The following ASTN2 variants were observed in gnomAD, a reference collection of about 807,000 sequenced individuals.
ASTN2 encodes astrotactin 2, also known as astrotactin-2.
In ASTN2, 54 loss-of-function variants were observed where a neutral mutation model predicts 139.8. That is an observed-to-expected ratio of 0.39 (90% CI 0.31 to 0.48). ASTN2 has a LOEUF of 0.48. Ranked by LOEUF, ASTN2 falls within the 20% of genes least tolerant of loss-of-function variation. The probability of loss-of-function intolerance (pLI) is 0.95; values close to 1 mark genes in which losing one functional copy is unlikely to be tolerated. For missense variants in ASTN2, 1,565 were observed against 1,725.1 expected, an observed-to-expected ratio of 0.91 and a Z score of 1.64; for synonymous variants, 756 against 719.5, an observed-to-expected ratio of 1.05 and a Z score of -0.81.
chr9:116,815,021 G>A (rs1048314529), intron 12 of ASTN2, among the ~76,000 whole-genome samples: 1 of 152,172 alleles, frequency 6.6e-6, no homozygotes, highest in Admixed American at 6.5e-5. Flanking sequence ...TAAAATTCAC[G>A]TTCTCCAACC....
At chr9:117,065,008 T>C (rs936038764) in intron 5 of ASTN2, among the ~76,000 whole-genome samples, 5 of 152,072 alleles carry the variant, frequency 3.3e-5, no homozygotes, top group Admixed American at 1.3e-4. Context: ...GATCTCTAGA[T>C]GAGATCATAC....
At chr9:116,585,882 G>T (rs902652668) in intron 19 of ASTN2, 1 of 152,086 alleles carries the variant, frequency 6.6e-6, no homozygotes, top group Admixed American at 6.6e-5. Flanking sequence ...CCTACAGAAT[G>T]AAAGAAAATA....
At chr9:116,589,778 C>A (rs1338477885) in intron 19 of ASTN2, among the ~76,000 whole-genome samples, 1 of 152,186 alleles carries the variant, frequency 6.6e-6, no homozygotes, top group Non-Finnish European at 1.5e-5. Flanking sequence ...AGTGGCTGTA[C>A]ATACTGTGGC....
intron 16 of ASTN2, among the ~76,000 whole-genome samples, chr9:116,704,184 A>C (rs960555289): frequency 8.5e-5 from 13 of 152,112 alleles, no homozygotes; most frequent in Admixed American, 3.3e-4. Context: ...CCTATCTGTT[A>C]ATTTAAATAA....
chr9:116,451,508 T>C (rs1469479953), intron 20 of ASTN2, among the ~76,000 whole-genome samples: 2 of 151,964 alleles, frequency 1.3e-5, no homozygotes, highest in East Asian at 3.9e-4. Flanking sequence ...AGCAGAGAGA[T>C]GGTCAAATGA....
chr9:117,147,398 T>G (rs1007666805), intron 3 of ASTN2, among the ~76,000 whole-genome samples: 1 of 151,418 alleles, frequency 6.6e-6, no homozygotes. Context: ...ATCACGCCAT[T>G]GCACTCCAGT....
chr9:116,994,321 C>T lies in ASTN2; in HGVS notation c.1591+13771G>A, dbSNP rs1259840490. Among the ~76,000 whole-genome samples the T allele has an allele frequency of 2.0e-5, 3 of 152,134 alleles. No individual in the cohort carries two copies. In the East Asian group the frequency reaches 5.8e-4, roughly 29 times the overall value. Reference sequence around the variant, plus strand: ...AAAAAAACAGCAGTTGGCCTATAGGCTATAGTTTGCTGACTCCTGCACTGG... The same window carrying T: ...AAAAAAACAGCAGTTGGCCTATAGGTTATAGTTTGCTGACTCCTGCACTGG... On this transcript the variant is annotated intron_variant, in intron 7 of 22. Transcript: ENST00000313400.
At chr9:116,530,090 G>A (rs1361763444) in intron 19 of ASTN2, among the ~76,000 whole-genome samples, 1 of 101,072 alleles carries the variant, frequency 9.9e-6, no homozygotes, top group African/African-American at 3.7e-5. Flanking sequence ...AATGGATAAA[G>A]TGTGATATAT....
intron 19 of ASTN2, among the ~76,000 whole-genome samples, chr9:116,512,007 G>T (rs1419515477): frequency 1.3e-5 from 2 of 152,042 alleles, no homozygotes; most frequent in African/African-American, 4.8e-5. Context: ...AACTCCTTCA[G>T]TCCTGCTCTG....
chr9:116,788,322 T>C (rs1286502115), intron 13 of ASTN2, among the ~76,000 whole-genome samples: 3 of 152,194 alleles, frequency 2.0e-5, no homozygotes, highest in African/African-American at 7.2e-5. Flanking sequence ...CTTTGAAAAG[T>C]TTTTTAATAT....
At chr9:116,461,523 A>T (rs1848487170) in intron 20 of ASTN2, among the ~76,000 whole-genome samples, 1 of 152,118 alleles carries the variant, frequency 6.6e-6, no homozygotes, top group South Asian at 2.1e-4. Context: ...TCTCTCCTAC[A>T]TAAAAGCTAT....
chr9:116,480,033 G>T (rs190754049), intron 20 of ASTN2, among the ~76,000 whole-genome samples: 1 of 151,922 alleles, frequency 6.6e-6, no homozygotes, highest in Non-Finnish European at 1.5e-5. Flanking sequence ...GTTGTTGTGA[G>T]GATTAGATTA....
chr9:116,824,251 G>A (rs1189365935), intron 11 of ASTN2, among the ~76,000 whole-genome samples: 1 of 152,132 alleles, frequency 6.6e-6, no homozygotes, highest in Non-Finnish European at 1.5e-5. Context: ...CTGCCTTCTG[G>A]TATTAAGACT....
chr9:116,707,501 ACCTTC>A lies in ASTN2; in HGVS notation c.2806+18265_2806+18269del, dbSNP rs1418045104. On this transcript the variant is annotated intron_variant, in intron 16 of 22. Coordinates refer to ENST00000313400, the MANE Select transcript of ASTN2 (RefSeq NM_001365068.1). ...TACACATATGAGCAGGATCGAGAGG[ACCTTC>A]CCTCCTCCCCAACCCCTCCCCACAC... Among the ~76,000 whole-genome samples the A allele has an allele frequency of 4.0e-5, 6 of 151,842 alleles. No homozygotes were observed. In the East Asian group the frequency reaches 1.2e-3, roughly 29 times the overall value.
At chr9:117,219,920 TG>T (rs1380001239) in intron 2 of ASTN2, among the ~76,000 whole-genome samples, 1 of 152,154 alleles carries the variant, frequency 6.6e-6, no homozygotes, top group Non-Finnish European at 1.5e-5. Flanking sequence ...ACCAGGTGCC[TG>T]GGGGCATACA....
chr9:117,188,260 T>C (rs527699664), intron 3 of ASTN2, among the ~76,000 whole-genome samples: 87 of 152,068 alleles, frequency 5.7e-4, no homozygotes, highest in Middle Eastern at 3.4e-3. Flanking sequence ...AAGACATCAA[T>C]ATGTCGAAAT....
At chr9:116,579,904 C>T (rs1032410225) in intron 19 of ASTN2, among the ~76,000 whole-genome samples, 1 of 152,146 alleles carries the variant, frequency 6.6e-6, no homozygotes, top group African/African-American at 2.4e-5. Flanking sequence ...TCACTGCAAC[C>T]TCCGCCTCCT....
chr9:116,565,387 CCATATATATATATATATATATATA>C (rs1189588425), intron 19 of ASTN2, among the ~76,000 whole-genome samples: 1 of 42,094 alleles, frequency 2.4e-5, no homozygotes, highest in Admixed American at 3.5e-4. Flanking sequence ...CTCTCTCTCT[CCATATATATATATATATATATATA>C]TATATATATA....
rs193137512 is a variant in ASTN2 at position 116,581,387 on chromosome 9, C to T, written c.3355+36937G>A. 8.5e-5 allele frequency among the ~76,000 whole-genome samples: 13 copies of T among 152,222 alleles called. 1 individual carries two copies. Among genetic ancestry groups the T allele is most frequent in the Middle Eastern group, 3.4e-3 (1 of 294 alleles). On this transcript the variant is annotated intron_variant, in intron 19 of 22. Transcript: ENST00000313400. ...ACCTTACTTCTTTAAGGCTTCTTTC[C>T]CTGGTTACCTGGTGCCCCAGTTCCC...
Sources: gnomAD v4.1 joint callset for allele counts (sites outside exome capture counted in the v4.1 genomes callset) on GRCh38, gnomAD v4.1.1 for gene constraint, MANE v1.5 for transcripts, NCBI Gene and HGNC (gene_info 2026-07-23, HGNC 2026-07-21) for gene names.